RETREG1: variants seen among roughly 807,000 people sequenced by gnomAD.
The protein encoded by RETREG1 is reticulophagy regulator 1.
In RETREG1, 44 loss-of-function variants were observed where a neutral mutation model predicts 54.8. The observed-to-expected ratio is 0.80, with a 90% CI of 0.63 to 1.03. The LOEUF is 1.03. Ranked by LOEUF, RETREG1 falls within the 50% of genes least tolerant of loss-of-function variation. The pLI, the probability that RETREG1 is intolerant of heterozygous loss-of-function variation, is 0.00. For missense variants in RETREG1, 554 were observed against 605.1 expected (o/e 0.92, Z 0.89); for synonymous variants, 217 against 238.5 (o/e 0.91, Z 0.83).
At chr5:16,592,955 A>G (rs557947831) in intron 1 of RETREG1, among the ~76,000 whole-genome samples, 2 of 152,316 alleles carry the variant, frequency 1.3e-5, no homozygotes, top group Admixed American at 1.3e-4. Flanking sequence ...TAGGCTCAGT[A>G]CCTGGGTGAT....
chr5:16,547,173 G>A (rs951163929), intron 3 of RETREG1, among the ~76,000 whole-genome samples: 1 of 152,232 alleles, frequency 6.6e-6, no homozygotes, highest in Non-Finnish European at 1.5e-5. Flanking sequence ...TGGCCCCAAA[G>A]TTTAAGCAGG....
At position 16,564,980 on chromosome 5, in the gene RETREG1, T is replaced by C. The variant is rs181063090; in HGVS notation, c.458+783A>G. On this transcript the variant is annotated intron_variant, in intron 3 of 8. Coordinates refer to ENST00000306320, the MANE Select transcript of RETREG1 (RefSeq NM_001034850.3). The stretch of plus-strand genomic sequence containing the variant: ...TTTGTGATGCCCACTTAGATACAAG[T>C]CAGGTTCCTCAGCCATCGTTTTTAA... Among the ~76,000 whole-genome samples the C allele has an allele frequency of 2.0e-5, 3 of 152,328 alleles. No homozygotes were observed. The East Asian group carries it at 5.8e-4, about 29-fold the overall frequency.
chr5:16,514,868 C>T (rs1259695565), intron 3 of RETREG1, among the ~76,000 whole-genome samples: 1 of 148,778 alleles, frequency 6.7e-6, no homozygotes, highest in Non-Finnish European at 1.5e-5. Context: ...TATTTCATTC[C>T]TTTTTATAGC....
chr5:16,510,361 C>G (rs1740130079), intron 3 of RETREG1, among the ~76,000 whole-genome samples: 1 of 152,166 alleles, frequency 6.6e-6, no homozygotes, highest in Non-Finnish European at 1.5e-5. Flanking sequence ...ATAGGCTGAG[C>G]TCTGAAGGTC....
chr5:16,584,280 T>C (rs2126328617), intron 1 of RETREG1, among the ~76,000 whole-genome samples: 1 of 152,256 alleles, frequency 6.6e-6, no homozygotes, highest in Admixed American at 6.5e-5. Flanking sequence ...CCCAAAAATC[T>C]ATTGAAATTT....
intron 3 of RETREG1, among the ~76,000 whole-genome samples, chr5:16,485,044 A>G (rs1020126646): frequency 2.0e-5 from 3 of 152,030 alleles, no homozygotes; most frequent in East Asian, 3.9e-4. Flanking sequence ...TCTGTGGCAA[A>G]ATCTTGCCAC....
intron 1 of RETREG1, among the ~76,000 whole-genome samples, chr5:16,580,518 A>C (rs1193761453): frequency 6.6e-5 from 10 of 152,164 alleles, no homozygotes; most frequent in Non-Finnish European, 7.3e-5. Flanking sequence ...CAAAAACATC[A>C]TGGGGTGCAG....
At chr5:16,575,303 A>G (rs1742291737) in intron 1 of RETREG1, among the ~76,000 whole-genome samples, 1 of 152,338 alleles carries the variant, frequency 6.6e-6, no homozygotes, top group Middle Eastern at 3.4e-3. Context: ...CTCGGCTCAC[A>G]TGGCATGAGA....
At chr5:16,516,423 G>A (rs888847512) in intron 3 of RETREG1, among the ~76,000 whole-genome samples, 23 of 152,200 alleles carry the variant, frequency 1.5e-4, no homozygotes, top group African/African-American at 5.1e-4. Flanking sequence ...AATGTTGTCT[G>A]TAGAACAGCA....
chr5:16,548,064 A>G (rs1250537736), intron 3 of RETREG1, among the ~76,000 whole-genome samples: 1 of 152,218 alleles, frequency 6.6e-6, no homozygotes, highest in Non-Finnish European at 1.5e-5. Context: ...AAGAGCTTTG[A>G]AAGACACTAA....
intron 3 of RETREG1, among the ~76,000 whole-genome samples, chr5:16,524,323 C>T (rs1363729263): frequency 6.6e-6 from 1 of 152,202 alleles, no homozygotes; most frequent in African/African-American, 2.4e-5. Flanking sequence ...GAACAACAGC[C>T]TACCATTTCC....
chr5:16,580,315 A>G (rs140128740), intron 1 of RETREG1, among the ~76,000 whole-genome samples: 6 of 152,362 alleles, frequency 3.9e-5, no homozygotes, highest in Non-Finnish European at 8.8e-5. Flanking sequence ...CCAGTCTGCC[A>G]CTATGTGCTT....
intron 1 of RETREG1, among the ~76,000 whole-genome samples, chr5:16,615,696 A>G (rs574229679): frequency 6.6e-6 from 1 of 152,302 alleles, no homozygotes; most frequent in East Asian, 1.9e-4. Context: ...AGATCTGAGG[A>G]AAATATTCAT....
At chr5:16,533,185 C>T (rs1265025690) in intron 3 of RETREG1, among the ~76,000 whole-genome samples, 1 of 152,092 alleles carries the variant, frequency 6.6e-6, no homozygotes, top group African/African-American at 2.4e-5. Context: ...GCTGGAACTA[C>T]AGGCACCCGC....
chr5:16,571,111 G>T (rs78587469), intron 2 of RETREG1, among the ~76,000 whole-genome samples: 4,435 of 152,272 alleles, frequency 0.029, 90 homozygotes, highest in Non-Finnish European at 0.043. Context: ...CACCATGATA[G>T]TAAATCCGTA....
rs116927744 is a variant in RETREG1 at position 16,479,924 on chromosome 5, T to C, written c.671-937A>G. ...ATCGAAAGGTAGCAGTGCCAGATCA[T>C]AGTTTTCAGGTGAAGAAAATCCATA... On this transcript the variant is annotated intron_variant, in intron 5 of 8. Transcript: ENST00000306320. Among the ~76,000 whole-genome samples, 281 of 152,202 alleles carry C rather than the reference T, an allele frequency of 1.8e-3. 1 individual carries two copies. The South Asian group carries it at 0.031, about 17-fold the overall frequency.
At chr5:16,528,596 A>G (rs972350320) in intron 3 of RETREG1, among the ~76,000 whole-genome samples, 1 of 152,166 alleles carries the variant, frequency 6.6e-6, no homozygotes, top group Admixed American at 6.5e-5. Context: ...TCTGAGACAC[A>G]TCTGGAGACA....
At chr5:16,548,820 G>A (rs1379792092) in intron 3 of RETREG1, among the ~76,000 whole-genome samples, 1 of 152,208 alleles carries the variant, frequency 6.6e-6, no homozygotes, top group East Asian at 1.9e-4. Flanking sequence ...AGGGTGGTGA[G>A]GGGAGCGTGA....
rs1430236345 is a variant in RETREG1, at chr5:16,583,333, A to AC, written c.321-11232_321-11231insG. On this transcript the variant is annotated intron_variant, in intron 1 of 8. Coordinates refer to ENST00000306320, the MANE Select transcript of RETREG1 (RefSeq NM_001034850.3). The stretch of plus-strand genomic sequence containing the variant: ...ACACCCCATCTCTACCAAAAATACA[A>AC]AAAAAAAAAAGTATCAGGGCGTGGT... 2.0e-5 allele frequency among the ~76,000 whole-genome samples: 3 copies of AC among 147,656 alleles called. No individual in the cohort carries two copies. The East Asian group carries it at 5.9e-4, about 29-fold the overall frequency.
Sources: gnomAD v4.1 joint callset for allele counts (sites outside exome capture counted in the v4.1 genomes callset) on GRCh38, gnomAD v4.1.1 for gene constraint, MANE v1.5 for transcripts, NCBI Gene and HGNC (gene_info 2026-07-23, HGNC 2026-07-21) for gene names.